The following SYT1 variants were observed in gnomAD, a reference collection of about 807,000 sequenced individuals.
The protein encoded by SYT1 is synaptotagmin 1.
In SYT1, 8 loss-of-function variants were observed where a neutral mutation model predicts 44.8. The ratio of observed to expected loss-of-function variants is 0.18; its 90% CI spans 0.10 to 0.32. The LOEUF (loss-of-function observed/expected upper bound fraction) is 0.32, where lower values mean the gene tolerates loss of function less well. SYT1 is among the 10% of genes least tolerant of loss of function. SYT1 has a pLI of 1.00. For synonymous variants in SYT1, 154 were observed against 188.8 expected (o/e 0.82, Z 1.51); for missense variants, 286 against 509.3 (o/e 0.56, Z 4.22).
At chr12:79,186,619 C>CA (rs1872816143) in intron 3 of SYT1, among the ~76,000 whole-genome samples, 1 of 151,948 alleles carries the variant, frequency 6.6e-6, no homozygotes, top group East Asian at 1.9e-4. Context: ...AGTGGCTCCC[C>CA]AAAGATTAAA....
At chr12:79,045,004 A>T (rs1269719707) in intron 2 of SYT1, among the ~76,000 whole-genome samples, 12 of 152,154 alleles carry the variant, frequency 7.9e-5, no homozygotes, top group African/African-American at 2.9e-4. Context: ...GCGTGCTGGG[A>T]GAACCACTGC....
At chr12:79,291,710 C>T in intron 5 of SYT1, 1 of 487,064 alleles carries the variant, frequency 2.1e-6, no homozygotes, top group Admixed American at 2.3e-5. Context: ...TTTATCAGAG[C>T]CAAATACAAC....
In SYT1 at chr12:79,179,425, T is replaced by C. The variant is rs113372080; in HGVS notation, c.-17-38078T>C. Among the ~76,000 whole-genome samples, 66 of 43,868 alleles carry C rather than the reference T, an allele frequency of 1.5e-3. 12 individuals are homozygous for C. The highest frequency in any genetic ancestry group is 8.3e-3 in the African/African-American group (63 of 7,576). The allele number at this position is 43,868 out of a possible 152,430, so 28.8% of individuals were successfully genotyped here. A position where few individuals can be genotyped will look rare whatever the true frequency, so the allele number is the denominator to read the frequency against. On this transcript the variant is annotated intron_variant, in intron 3 of 10. Coordinates refer to ENST00000261205, the MANE Select transcript of SYT1 (RefSeq NM_005639.3). ...ATATAGATATAGATATAGATATATC[T>C]ATATAGATATATCCATATAGATATA... is the stretch of plus-strand genomic sequence containing the variant.
At position 79,029,491 on chromosome 12, in the gene SYT1, C is replaced by G. The variant is rs1190477289; in HGVS notation, c.-83-17806C>G. Among the ~76,000 whole-genome samples, 4 of 151,064 alleles carry G rather than the reference C, an allele frequency of 2.6e-5. No homozygotes were observed. The East Asian group carries it at 7.8e-4, about 29-fold the overall frequency. On this transcript the variant is annotated intron_variant, in intron 2 of 10. Coordinates refer to ENST00000261205, the MANE Select transcript of SYT1 (RefSeq NM_005639.3). ...AAAATAAAACGTGAAGCCAAACATA[C>G]ATTCTGCCCTCTTCCAACCACAAGG...
intron 9 of SYT1, among the ~76,000 whole-genome samples, chr12:79,407,175 T>A (rs922772972): frequency 2.6e-5 from 4 of 152,160 alleles, no homozygotes; most frequent in African/African-American, 9.7e-5. Flanking sequence ...TCTCTGGGTT[T>A]ATCACTAGAA....
chr12:78,988,035 T>C (rs960958254), intron 2 of SYT1, among the ~76,000 whole-genome samples: 1 of 152,052 alleles, frequency 6.6e-6, no homozygotes, highest in Non-Finnish European at 1.5e-5. Context: ...TCAACCAATA[T>C]TTACTTCTGT....
At chr12:79,420,784 T>C (rs1379120232) in intron 9 of SYT1, among the ~76,000 whole-genome samples, 2 of 152,090 alleles carry the variant, frequency 1.3e-5, no homozygotes, top group East Asian at 1.9e-4. Flanking sequence ...TACTGAGAAG[T>C]AGGAAAAAGT....
intron 8 of SYT1, among the ~76,000 whole-genome samples, chr12:79,339,378 A>G (rs866746656): frequency 3.9e-5 from 6 of 152,298 alleles, no homozygotes; most frequent in Non-Finnish European, 5.9e-5. Flanking sequence ...GTTGTGAGAT[A>G]GTATCTCATT....
At chr12:79,309,940 C>G (rs1251773634) in intron 8 of SYT1, among the ~76,000 whole-genome samples, 1 of 151,876 alleles carries the variant, frequency 6.6e-6, no homozygotes. Context: ...GAGTAGGTTG[C>G]GAAAATTTTC....
At chr12:78,949,407 G>A (rs1011978613) in intron 1 of SYT1, among the ~76,000 whole-genome samples, 7 of 151,058 alleles carry the variant, frequency 4.6e-5, no homozygotes, top group Admixed American at 1.3e-4. Context: ...AGTAAAATAT[G>A]TCTACTGGTT....
At chr12:78,931,195 G>GA (rs1565723117) in intron 1 of SYT1, among the ~76,000 whole-genome samples, 1 of 22,448 alleles carries the variant, frequency 4.5e-5, no homozygotes, top group African/African-American at 3.1e-4. Flanking sequence ...AAGAAAGAAA[G>GA]AAAGAAAGAA....
At chr12:79,015,873 A>G (rs1040075360) in intron 2 of SYT1, among the ~76,000 whole-genome samples, 3 of 152,148 alleles carry the variant, frequency 2.0e-5, no homozygotes, top group Non-Finnish European at 2.9e-5. Context: ...CTTCTTATAA[A>G]TGAAAAATCT....
At chr12:79,221,245 C>A (rs1875141721) in intron 4 of SYT1, among the ~76,000 whole-genome samples, 1 of 151,882 alleles carries the variant, frequency 6.6e-6, no homozygotes, top group Non-Finnish European at 1.5e-5. Context: ...TATAGTTATT[C>A]CTGCTCTCTT....
At chr12:79,112,926 G>A (rs924290936) in intron 3 of SYT1, among the ~76,000 whole-genome samples, 6 of 152,060 alleles carry the variant, frequency 3.9e-5, no homozygotes, top group African/African-American at 1.4e-4. Flanking sequence ...CTGGCAGAGT[G>A]CAGACAAAGG....
chr12:79,089,624 C>T (rs1488658897), intron 3 of SYT1, among the ~76,000 whole-genome samples: 1 of 151,866 alleles, frequency 6.6e-6, no homozygotes, highest in Admixed American at 6.6e-5. Context: ...TTTGCTGAGA[C>T]CCCAGATCCA....
At chr12:79,334,001 T>C (rs1258871547) in intron 8 of SYT1, among the ~76,000 whole-genome samples, 2 of 152,084 alleles carry the variant, frequency 1.3e-5, no homozygotes, top group East Asian at 1.9e-4. Flanking sequence ...TCTGGAAACA[T>C]TGATACCCAA....
At chr12:78,955,605 T>G (rs773490953) in intron 1 of SYT1, 5 of 152,144 alleles carry the variant, frequency 3.3e-5, no homozygotes, top group Admixed American at 6.6e-5. Context: ...AAGGCACTAA[T>G]TCCATTCATG....
chr12:79,132,213 G>A (rs1868870374), intron 3 of SYT1, among the ~76,000 whole-genome samples: 1 of 152,176 alleles, frequency 6.6e-6, no homozygotes, highest in South Asian at 2.1e-4. Flanking sequence ...CACTTTGGGA[G>A]GCCAAGGTGG....
At chr12:79,358,160 C>A (rs1451666512) in intron 9 of SYT1, among the ~76,000 whole-genome samples, 1 of 152,116 alleles carries the variant, frequency 6.6e-6, no homozygotes, top group African/African-American at 2.4e-5. Context: ...GGAATGTCAA[C>A]ACTGTAAGTT....
Sources: allele counts gnomAD v4.1 joint callset (sites outside exome capture counted in the v4.1 genomes callset), GRCh38; gene constraint gnomAD v4.1.1; transcripts MANE v1.5; gene names NCBI Gene and HGNC (gene_info 2026-07-23, HGNC 2026-07-21).